The following SLC2A14 variants were observed in gnomAD, a reference collection of about 807,000 sequenced individuals.
SLC2A14 encodes solute carrier family 2 member 14, also known as solute carrier family 2, facilitated glucose transporter member 14.
Under a neutral mutation model 43.0 loss-of-function variants are expected in SLC2A14, and 13 were observed. The ratio of observed to expected loss-of-function variants is 0.30; its 90% CI spans 0.20 to 0.48. The LOEUF is 0.48. Ranked by LOEUF, SLC2A14 falls within the 20% of genes least tolerant of loss-of-function variation. The pLI, the probability that SLC2A14 is intolerant of heterozygous loss-of-function variation, is 0.99. For missense variants in SLC2A14, 428 were observed against 620.4 expected, an observed-to-expected ratio of 0.69 and a Z score of 3.29; for synonymous variants, 190 against 233.8, an observed-to-expected ratio of 0.81 and a Z score of 1.71.
chr12:7,862,460 G>C (rs1484602410), intron 2 of SLC2A14, among the ~76,000 whole-genome samples: 1 of 152,066 alleles, frequency 6.6e-6, no homozygotes, highest in Admixed American at 6.6e-5. Flanking sequence ...CCATGCCTGA[G>C]CCTTCCCACC....
At chr12:7,830,870 G>C (rs954547934) in intron 4 of SLC2A14, among the ~76,000 whole-genome samples, 1 of 152,046 alleles carries the variant, frequency 6.6e-6, no homozygotes, top group Admixed American at 6.6e-5. Context: ...ATGCCTGTAA[G>C]CTTAGCACTT....
intron 2 of SLC2A14, among the ~76,000 whole-genome samples, chr12:7,840,164 T>C (rs1259491026): frequency 2.9e-5 from 2 of 68,866 alleles, no homozygotes; most frequent in African/African-American, 8.3e-5. Context: ...TTGCTCCTTT[T>C]TTTTTTTTTT....
At chr12:7,828,478 G>A (rs1253859816) in intron 6 of SLC2A14, among the ~76,000 whole-genome samples, 1 of 152,040 alleles carries the variant, frequency 6.6e-6, no homozygotes, top group Non-Finnish European at 1.5e-5. Context: ...GAACCCAGGA[G>A]GCGGAGGTTG....
At chr12:7,878,999 A>AAC (rs1945516829) in intron 1 of SLC2A14, among the ~76,000 whole-genome samples, 1 of 136,358 alleles carries the variant, frequency 7.3e-6, no homozygotes, top group Non-Finnish European at 1.6e-5. Context: ...AAAAAAAAAA[A>AAC]AAAAAACAAT....
chr12:7,830,153 CTTTCT>C (rs1864891806), intron 4 of SLC2A14, 147 bp from the exon 5 acceptor site: 4 of 1,020,592 alleles, frequency 3.9e-6, no homozygotes, highest in Non-Finnish European at 5.3e-6. Flanking sequence ...CTTTTCTTTT[CTTTCT>C]TTTTTTTTTT....
rs1491155908 is a variant in SLC2A14, at chr12:7,826,868, T to TCCTTCCCTC, written c.864+626_864+627insGAGGGAAGG. Among the ~76,000 whole-genome samples, 13 of 51,072 alleles carry TCCTTCCCTC rather than the reference T, an allele frequency of 2.5e-4. 1 individual carries two copies. Among genetic ancestry groups the TCCTTCCCTC allele is most frequent in the African/African-American group, 9.3e-4 (12 of 12,912 alleles). The allele number at this position is 51,072 out of a possible 152,430, so 33.5% of individuals were successfully genotyped here. A position where few individuals can be genotyped will look rare whatever the true frequency, so the allele number is the denominator to read the frequency against. On this transcript the variant is annotated intron_variant, in intron 7 of 10. Transcript: ENST00000431042. ...TTCCTTCCTTCCTTTCTTTTTTCTT[T>TCCTTCCCTC]CTTTCTTTCTTTCTTTCTTTCTTTC...
At chr12:7,844,451 T>C (rs1866285209) in intron 2 of SLC2A14, among the ~76,000 whole-genome samples, 1 of 152,148 alleles carries the variant, frequency 6.6e-6, no homozygotes, top group Non-Finnish European at 1.5e-5. Flanking sequence ...ATTTGCTGAA[T>C]GTATGAATTC....
chr12:7,868,829 G>A (rs772567096), intron 2 of SLC2A14, among the ~76,000 whole-genome samples: 15 of 152,070 alleles, frequency 9.9e-5, no homozygotes, highest in Non-Finnish European at 1.0e-4. Context: ...CCAACATGGC[G>A]AAACCCTGTC....
chr12:7,873,872 C>T (rs149902367), upstream of SLC2A14, among the ~76,000 whole-genome samples: 1,794 of 152,128 alleles, frequency 0.012, 29 homozygotes, highest in Admixed American at 0.041. Flanking sequence ...TTGTTCTCCC[C>T]TAGCCCAAGC....
chr12:7,869,750 C>T (rs939572622), intron 2 of SLC2A14, 113 bp downstream of exon 2: 8 of 667,224 alleles, frequency 1.2e-5, no homozygotes, highest in East Asian at 2.9e-5. Context: ...CCACCACTTA[C>T]GTATATTACA....
chr12:7,867,829 A>G (rs1465649632), intron 2 of SLC2A14, among the ~76,000 whole-genome samples: 1 of 141,366 alleles, frequency 7.1e-6, no homozygotes, highest in Non-Finnish European at 1.5e-5. Context: ...TGGGTGACAG[A>G]GTGAGACTCT....
At position 7,830,018 on chromosome 12, in the gene SLC2A14, A is replaced by G. The variant is rs778644261; in HGVS notation, c.273-12T>C. On this transcript the variant is annotated splice_polypyrimidine_tract_variant and intron_variant, in intron 4 of 10. Transcript: ENST00000431042. ...GCATTGAATTGCGCCTGTAAGGTTA[A>G]TCAAAGACAACATGGAATTAGCAAA... The G allele has an allele frequency of 6.2e-7, 1 of 1,613,766 alleles. No individual in the cohort carries two copies. The highest frequency in any genetic ancestry group is 1.3e-5 in the African/African-American group (1 of 74,936).
chr12:7,875,007 TA>T (rs1211664144), upstream of SLC2A14, among the ~76,000 whole-genome samples: 66 of 100,148 alleles, frequency 6.6e-4, 4 homozygotes, highest in South Asian at 1.1e-3. Context: ...TATAAATACA[TA>T]TATAAAAATT....
chr12:7,830,155 TTC>T, intron 4 of SLC2A14, 149 bp from the exon 5 acceptor site: 1 of 1,024,078 alleles, frequency 9.8e-7, no homozygotes. Context: ...TTTCTTTTCT[TTC>T]TTTTTTTTTT....
At chr12:7,824,105 A>T (rs1174875285) in intron 7 of SLC2A14, among the ~76,000 whole-genome samples, 1 of 151,966 alleles carries the variant, frequency 6.6e-6, no homozygotes, top group Non-Finnish European at 1.5e-5. Flanking sequence ...AAAATACAAA[A>T]ATCAGCCGGG....
At chr12:7,827,089 T>TTC (rs1565509530) in intron 7 of SLC2A14, among the ~76,000 whole-genome samples, 38 of 118,992 alleles carry the variant, frequency 3.2e-4, no homozygotes, top group Middle Eastern at 4.3e-3. Context: ...CTTTCTTTCT[T>TTC]TCTTTCTCTT....
chr12:7,870,924 T>C (rs766226116), intron 1 of SLC2A14: 54 of 1,416,828 alleles, frequency 3.8e-5, no homozygotes, highest in Middle Eastern at 4.0e-4. Flanking sequence ...TCCAATGTCT[T>C]CGTGATGTTC....
At chr12:7,882,205 CG>C (rs1945591442) in intron 1 of SLC2A14, among the ~76,000 whole-genome samples, 1 of 151,770 alleles carries the variant, frequency 6.6e-6, no homozygotes, top group African/African-American at 2.4e-5. Flanking sequence ...CTTTTGAAGC[CG>C]GTAAGACCAG....
intron 2 of SLC2A14, chr12:7,839,921 C>A: frequency 1.4e-5 from 2 of 139,190 alleles, no homozygotes; most frequent in African/African-American, 6.4e-5. Flanking sequence ...GACCCTGTCT[C>A]TACAAAAAAA....
Sources: allele counts gnomAD v4.1 joint callset (sites outside exome capture counted in the v4.1 genomes callset), GRCh38; gene constraint gnomAD v4.1.1; transcripts MANE v1.5; gene names NCBI Gene and HGNC (gene_info 2026-07-23, HGNC 2026-07-21).